Variants in RGS12 observed in about 807,000 individuals in gnomAD.
RGS12 encodes the protein regulator of G-protein signaling 12.
A neutral mutation model predicts 120.1 loss-of-function variants in RGS12; 66 were observed. The observed-to-expected ratio is 0.55, with a 90% CI of 0.45 to 0.67. RGS12 has a LOEUF of 0.67. RGS12 is among the 30% of genes least tolerant of loss of function. The pLI is 0.00. For missense variants in RGS12, 1,859 were observed against 1,957.7 expected (o/e 0.95, Z 0.95); for synonymous variants, 827 against 804.7 (o/e 1.03, Z -0.47).
At chr4:3,287,903 C>G in the RGS12 span, among the ~76,000 whole-genome samples, 2 of 152,140 alleles carry the variant, frequency 1.3e-5, no homozygotes, top group Non-Finnish European at 2.9e-5. Flanking sequence ...GCTCCCACAT[C>G]TCCCCCAAAC....
upstream of RGS12, among the ~76,000 whole-genome samples, chr4:3,291,153 C>T (rs186705079): frequency 1.7e-4 from 26 of 152,350 alleles, no homozygotes; most frequent in Admixed American, 1.7e-3. Flanking sequence ...AAGAAGAGAC[C>T]TGCAGGTGGT....
chr4:3,389,140 C>T lies in RGS12; in HGVS notation c.2020+2703C>T, dbSNP rs1166484384. Among the ~76,000 whole-genome samples the T allele has an allele frequency of 4.6e-5, 7 of 152,148 alleles. No individual in the cohort carries two copies. The South Asian group carries it at 6.2e-4, about 14-fold the overall frequency. On this transcript the variant is annotated intron_variant, in intron 4 of 17. Transcript: ENST00000336727. This position sits in a 1 kb window ranked among gnomAD's most constrained non-coding sequence, Gnocchi z 5.2. ...GCTGGAGAGTTTTAGTTTTGTGGCT[C>T]GGTTTTAAGGAAGTTGGACTATGCT...
chr4:3,417,145 G>T, intron 8 of RGS12, 53 bp downstream of exon 8: 1 of 1,516,978 alleles, frequency 6.6e-7, no homozygotes, highest in Non-Finnish European at 8.9e-7. Context: ...GTCATCAGCT[G>T]AGAGCTGTTC....
At position 3,316,512 on chromosome 4, in the gene RGS12, T is replaced by C. The variant is rs774210349; in HGVS notation, c.342T>C (p.Tyr114=). The change falls in exon 2 of 18, where the codon TAT becomes TAC. Residue 114 remains tyrosine (Y), a synonymous_variant. Coordinates refer to ENST00000336727, the MANE Select transcript of RGS12 (RefSeq NM_001394154.1). Reference sequence around the variant, plus strand: ...CCAGTGATGAAGAAGGGGGACTCTATGAAGGAAAAGGCTGGCTGAAGCCCA... The same window carrying C: ...CCAGTGATGAAGAAGGGGGACTCTACGAAGGAAAAGGCTGGCTGAAGCCCA... ...SCSSDEEGGL[Y]EGKGWLKPKL... is the part of the protein sequence containing the mutation. 8.1e-6 allele frequency: 13 copies of C among 1,614,118 alleles called. No individual in the cohort carries two copies. In the East Asian group the frequency reaches 2.9e-4, roughly 36 times the overall value.
At chr4:3,400,934 A>G (rs1720520624) in intron 4 of RGS12, among the ~76,000 whole-genome samples, 1 of 151,932 alleles carries the variant, frequency 6.6e-6, no homozygotes, top group Admixed American at 6.6e-5. Flanking sequence ...CAACTGTTTT[A>G]ACATTGTATT....
At chr4:3,373,584 C>A (rs1022725835) in intron 3 of RGS12, among the ~76,000 whole-genome samples, 4 of 152,252 alleles carry the variant, frequency 2.6e-5, no homozygotes, top group Admixed American at 2.0e-4. Context: ...CCCTCGTGTG[C>A]CCATGCTCCT....
chr4:3,316,005 A>T, intron 1 of RGS12, 65 bp from the exon 2 acceptor site: 1 of 604,510 alleles, frequency 1.7e-6, no homozygotes, highest in Non-Finnish European at 2.8e-6. Flanking sequence ...GTGTTTAGCT[A>T]ATACCAGTGA....
intron 3 of RGS12, 189 bp from the exon 4 acceptor site, chr4:3,386,227 T>A (rs1718836900): frequency 1.6e-6 from 1 of 624,470 alleles, no homozygotes; most frequent in Admixed American, 2.9e-5. Context: ...TGTCACCTAG[T>A]TTGGGCGGAG....
chr4:3,373,459 T>C (rs1394904284), intron 3 of RGS12, among the ~76,000 whole-genome samples: 1 of 152,208 alleles, frequency 6.6e-6, no homozygotes, highest in Non-Finnish European at 1.5e-5. Context: ...TGAGTCTCTG[T>C]AGCATGAGCT....
Position 3,326,234 on chromosome 4 carries a change from G to T in RGS12, c.1881+8183G>T, listed in dbSNP as rs190461305. Among the ~76,000 whole-genome samples, 4 of 152,130 alleles carry T rather than the reference G, an allele frequency of 2.6e-5. No individual in the cohort carries two copies. In the East Asian group the frequency reaches 7.7e-4, roughly 29 times the overall value. Reference sequence around the variant, plus strand: ...TTAGAGAAGAGGAGGTCAAATTATCGTGGTTTGCTGATGACATAATCTTTT... The same window carrying T: ...TTAGAGAAGAGGAGGTCAAATTATCTTGGTTTGCTGATGACATAATCTTTT... On this transcript the variant is annotated intron_variant, in intron 2 of 17. Transcript: ENST00000336727.
At chr4:3,305,779 G>T (rs1723941213) in intron 1 of RGS12, among the ~76,000 whole-genome samples, 1 of 152,142 alleles carries the variant, frequency 6.6e-6, no homozygotes, top group South Asian at 2.1e-4. Flanking sequence ...TCATGATTTG[G>T]GACTGATAAC....
chr4:3,292,050 A>C (rs528476712), upstream of RGS12, among the ~76,000 whole-genome samples: 7 of 152,334 alleles, frequency 4.6e-5, no homozygotes, highest in South Asian at 8.3e-4. Flanking sequence ...GAAAGAAGCA[A>C]ACCCGAGAGG....
upstream of RGS12, among the ~76,000 whole-genome samples, chr4:3,292,570 C>G (rs1049983397): frequency 2.6e-5 from 4 of 152,228 alleles, no homozygotes; most frequent in Non-Finnish European, 5.9e-5. Flanking sequence ...CCAACGGGAG[C>G]GGGACTTCCT....
At chr4:3,382,773 T>G (rs1279502375) in intron 3 of RGS12, among the ~76,000 whole-genome samples, 1 of 152,232 alleles carries the variant, frequency 6.6e-6, no homozygotes, top group Non-Finnish European at 1.5e-5. Flanking sequence ...GCCTTCCTAT[T>G]GAATCTTTAA....
intron 4 of RGS12, among the ~76,000 whole-genome samples, chr4:3,401,624 G>A (rs1309050809): frequency 6.6e-6 from 1 of 152,264 alleles, no homozygotes; most frequent in Non-Finnish European, 1.5e-5. Context: ...GCCCAGTGAG[G>A]AAGGAGCGGA....
chr4:3,373,214 C>G (rs114223006), intron 3 of RGS12, among the ~76,000 whole-genome samples: 2,732 of 152,330 alleles, frequency 0.018, 69 homozygotes, highest in African/African-American at 0.059. Flanking sequence ...GCCTTGGGCC[C>G]CATGCCATTT....
At chr4:3,436,541 C>T (rs551740522) in intron 17 of RGS12, among the ~76,000 whole-genome samples, 2 of 152,196 alleles carry the variant, frequency 1.3e-5, no homozygotes, top group South Asian at 2.1e-4. Context: ...GCCTGGGTCT[C>T]GAAGGAGAGC....
At chr4:3,406,755 G>A (rs1721174821) in intron 4 of RGS12, among the ~76,000 whole-genome samples, 1 of 152,214 alleles carries the variant, frequency 6.6e-6, no homozygotes, top group Admixed American at 6.5e-5. Flanking sequence ...CTGGGGGCAG[G>A]AGCAACAGAG....
chr4:3,386,622 G>A (rs1034098368), intron 4 of RGS12, among the ~76,000 whole-genome samples, 185 bp downstream of exon 4: 7 of 152,142 alleles, frequency 4.6e-5, no homozygotes, highest in African/African-American at 9.7e-5. Context: ...TGGCCTCGGC[G>A]TGTGTTTTGG....
Sources: gnomAD v4.1 joint callset for allele counts (sites outside exome capture counted in the v4.1 genomes callset) on GRCh38, gnomAD v4.1.1 for gene constraint, Gnocchi (gnomAD v3.1) non-coding constraint, MANE v1.5 for transcripts, NCBI Gene and HGNC (gene_info 2026-07-23, HGNC 2026-07-21) for gene names.